Variants in SGCD observed in about 807,000 individuals in gnomAD.
The protein encoded by SGCD is sarcoglycan delta.
A neutral mutation model predicts 36.6 loss-of-function variants in SGCD; 18 were observed. That is an observed-to-expected ratio of 0.49 (90% CI 0.34 to 0.73). The LOEUF is 0.73. Ranked by LOEUF, SGCD falls within the 30% of genes least tolerant of loss-of-function variation. SGCD has a pLI of 0.01. For missense variants in SGCD, 387 were observed against 346.7 expected (o/e 1.12, Z -0.92); for synonymous variants, 133 against 130.6 (o/e 1.02, Z -0.12).
intron 6 of SGCD, among the ~76,000 whole-genome samples, chr5:156,626,165 G>T (rs1581278799): frequency 6.6e-6 from 1 of 152,290 alleles, no homozygotes; most frequent in East Asian, 1.9e-4. Context: ...TAGGGCTGAG[G>T]TTGAGAAGCC....
chr5:156,162,584 T>C lies in SGCD; in HGVS notation c.-44+38565T>C, dbSNP rs989264302. Among the ~76,000 whole-genome samples the C allele has an allele frequency of 7.9e-5, 12 of 151,614 alleles. No homozygotes were observed. In the East Asian group the frequency reaches 2.1e-3, roughly 27 times the overall value. ...GATGTGCAATCATCCTCTCATGTCCTACTATGGTTTCTGAAGAGATGGTGC... is the reference window on the plus strand; with the variant it reads ...GATGTGCAATCATCCTCTCATGTCCCACTATGGTTTCTGAAGAGATGGTGC... On this transcript the variant is annotated intron_variant, in intron 3 of 9. Transcript: ENST00000517913.
At chr5:156,657,361 G>A (rs766029634) in intron 7 of SGCD, among the ~76,000 whole-genome samples, 19 of 151,042 alleles carry the variant, frequency 1.3e-4, no homozygotes, top group Non-Finnish European at 2.7e-4. Context: ...TGGTCATTTA[G>A]CATTAGGTAT....
intron 1 of SGCD, among the ~76,000 whole-genome samples, chr5:155,883,701 T>C (rs971144925): frequency 1.5e-4 from 23 of 149,088 alleles, no homozygotes; most frequent in Non-Finnish European, 2.4e-4. Flanking sequence ...ATTATCAATA[T>C]GTGACACAGA....
At chr5:155,912,830 C>G (rs778141932) in intron 1 of SGCD, among the ~76,000 whole-genome samples, 1 of 151,750 alleles carries the variant, frequency 6.6e-6, no homozygotes, top group Non-Finnish European at 1.5e-5. Flanking sequence ...ATTTATATTT[C>G]TAGTTTTCTT....
At chr5:156,170,253 A>T (rs751144537) in intron 3 of SGCD, among the ~76,000 whole-genome samples, 1 of 152,216 alleles carries the variant, frequency 6.6e-6, no homozygotes, top group Non-Finnish European at 1.5e-5. Context: ...GATCAAAAGT[A>T]AGATGAATTC....
intron 1 of SGCD, among the ~76,000 whole-genome samples, chr5:155,989,918 G>A (rs1433429509): frequency 6.6e-6 from 1 of 152,164 alleles, no homozygotes; most frequent in Non-Finnish European, 1.5e-5. Flanking sequence ...ATTCCACTAG[G>A]AGTAAATAAA....
intron 1 of SGCD, among the ~76,000 whole-genome samples, chr5:155,894,081 C>T (rs796850418): frequency 8.5e-5 from 13 of 152,086 alleles, no homozygotes; most frequent in South Asian, 2.1e-4. Flanking sequence ...AGTTGGTGAG[C>T]GAGTGGTGAG....
the SGCD span, among the ~76,000 whole-genome samples, chr5:155,765,350 G>A: frequency 6.8e-6 from 1 of 147,610 alleles, no homozygotes; most frequent in African/African-American, 2.5e-5. Flanking sequence ...AAGGGAAAGA[G>A]AGAGGGAGGG....
At position 156,334,609 on chromosome 5, in the gene SGCD, CTTTTTTTTTT is replaced by C. The variant is rs35767339; in HGVS notation, c.3+5041_3+5050del. 4.0e-3 allele frequency among the ~76,000 whole-genome samples: 421 copies of C among 105,102 alleles called. 3 individuals are homozygous for C. The highest frequency in any genetic ancestry group is 0.015 in the African/African-American group (407 of 26,366). 69.0% of individuals were successfully genotyped at this position (105,102 alleles called of 152,430 possible). On this transcript the variant is annotated intron_variant, in intron 2 of 8. Coordinates refer to ENST00000337851, the MANE Select transcript of SGCD (RefSeq NM_000337.6). ...GCCCCTGGTACTGCTGGTCTATTTT[CTTTTTTTTTT>C]TTTTTTTTTTGGCTTTTTTTTAGGA...
rs1487547947 is a variant in SGCD, at chr5:156,767,525, G to A, written c.*8135G>A. On this transcript the variant is annotated 3_prime_UTR_variant, in exon 9 of 9. Coordinates refer to ENST00000337851, the MANE Select transcript of SGCD (RefSeq NM_000337.6). ...AAAAACCCATTCCCATAAAGTAATT[G>A]AGTTCAGCCTTTGGATTATTTTTGG... The A allele has an allele frequency of 7.0e-6, 1 of 143,316 alleles. No individual in the cohort carries two copies. Among genetic ancestry groups the A allele is most frequent in the Non-Finnish European group, 1.5e-5 (1 of 65,930 alleles). The allele number at this position is 143,316 out of a possible 1,614,324, so 8.9% of individuals were successfully genotyped here. A position where few individuals can be genotyped will look rare whatever the true frequency, so the allele number is the denominator to read the frequency against.
intron 1 of SGCD, among the ~76,000 whole-genome samples, chr5:155,939,642 C>T (rs11959092): frequency 0.031 from 1,781 of 57,806 alleles, 32 homozygotes; most frequent in African/African-American, 0.074. Context: ...GAGACTCTCT[C>T]TCAAAAAAAA....
the SGCD span, among the ~76,000 whole-genome samples, chr5:155,762,415 T>G: frequency 6.6e-6 from 1 of 152,254 alleles, no homozygotes; most frequent in Non-Finnish European, 1.5e-5. Flanking sequence ...TGACTTTTCC[T>G]TAAATTTCTC....
chr5:156,627,979 G>T (rs866434598), intron 6 of SGCD, among the ~76,000 whole-genome samples: 1 of 152,224 alleles, frequency 6.6e-6, no homozygotes. Context: ...AAAGGAAAAA[G>T]GTTTAATTGG....
chr5:155,851,843 T>C, the SGCD span, among the ~76,000 whole-genome samples: 2,707 of 152,306 alleles, frequency 0.018, 87 homozygotes, highest in African/African-American at 0.06. Flanking sequence ...AACTGGATGG[T>C]GTCTAGAGCC....
intron 3 of SGCD, among the ~76,000 whole-genome samples, chr5:156,383,967 GT>G (rs1771134713): frequency 6.6e-6 from 1 of 152,188 alleles, no homozygotes; most frequent in African/African-American, 2.4e-5. Context: ...TTGACTGAAT[GT>G]CAAGTCTTCT....
At chr5:156,236,461 T>G (rs1765166327) in intron 3 of SGCD, among the ~76,000 whole-genome samples, 1 of 151,876 alleles carries the variant, frequency 6.6e-6, no homozygotes, top group Non-Finnish European at 1.5e-5. Context: ...CTTTTTTTTT[T>G]TTTTTTGAGA....
At chr5:156,059,108 T>TA (rs113549059) in intron 1 of SGCD, among the ~76,000 whole-genome samples, 58 of 136,138 alleles carry the variant, frequency 4.3e-4, no homozygotes, top group South Asian at 6.9e-4. Context: ...ATTTTTTAAA[T>TA]AAAAAAAAAA....
intron 3 of SGCD, among the ~76,000 whole-genome samples, chr5:156,262,700 C>T (rs1293914582): frequency 6.6e-6 from 1 of 151,970 alleles, no homozygotes; most frequent in Admixed American, 6.6e-5. Context: ...CTATCCTTTC[C>T]CCCAAGTCCC....
intron 3 of SGCD, among the ~76,000 whole-genome samples, chr5:156,487,807 A>AAAAAAAAAAAAAAAAAAG (rs1561728598): frequency 1.0e-4 from 5 of 49,342 alleles, no homozygotes; most frequent in Admixed American, 2.6e-4. Context: ...AAAAAAAAAA[A>AAAAAAAAAAAAAAAAAAG]AAAAAAAAAG....
Sources: gnomAD v4.1 joint callset for allele counts (sites outside exome capture counted in the v4.1 genomes callset) on GRCh38, gnomAD v4.1.1 for gene constraint, MANE v1.5 for transcripts, NCBI Gene and HGNC (gene_info 2026-07-23, HGNC 2026-07-21) for gene names.